Variants in TJP1 observed in about 807,000 individuals in gnomAD.
The protein encoded by TJP1 is tight junction protein ZO-1.
Under a neutral mutation model 194.2 loss-of-function variants are expected in TJP1, and 43 were observed. That is an observed-to-expected ratio of 0.22 (90% CI 0.17 to 0.29). The LOEUF (loss-of-function observed/expected upper bound fraction) is 0.29. Ranked by LOEUF, TJP1 falls within the 10% of genes least tolerant of loss-of-function variation. TJP1 has a pLI of 1.00. For missense variants in TJP1, 1,971 were observed against 2,185.7 expected (o/e 0.90, Z 1.96); for synonymous variants, 801 against 779.0 (o/e 1.03, Z -0.47).
At chr15:29,730,175 A>G (rs899848001) in intron 15 of TJP1, among the ~76,000 whole-genome samples, 4 of 152,232 alleles carry the variant, frequency 2.6e-5, no homozygotes, top group East Asian at 1.9e-4. Flanking sequence ...TATGCTTAAA[A>G]GAGTGGAAGA....
Position 29,934,045 on chromosome 15 carries a change from T to C in TJP1, c.306+22187A>G, listed in dbSNP as rs183278789. 1.6e-4 allele frequency among the ~76,000 whole-genome samples: 24 copies of C among 152,268 alleles called. No homozygotes were observed. The East Asian group carries it at 4.5e-3, about 28-fold the overall frequency. On this transcript the variant is annotated intron_variant, in intron 2 of 28. Coordinates refer to the TJP1 transcript ENST00000356107. ...TAAGAGACGAAAAAAAATCCCTCAT[T>C]ATGTCTTTGCTTCAACTCACCCATG...
At chr15:29,800,457 A>G in intron 2 of TJP1, 189 bp downstream of exon 2, 2 of 590,344 alleles carry the variant, frequency 3.4e-6, no homozygotes, top group Non-Finnish European at 5.9e-6. Flanking sequence ...TCAAAAGGAT[A>G]TATGAAAAAG....
chr15:29,720,029 T>C lies in TJP1; in HGVS notation c.2764-13A>G. The C allele has an allele frequency of 6.3e-7, 1 of 1,581,254 alleles. No individual in the cohort carries two copies. The highest frequency in any genetic ancestry group is 1.2e-5 in the South Asian group (1 of 84,310). On this transcript the variant is annotated splice_polypyrimidine_tract_variant and intron_variant, in intron 19 of 27. Transcript: ENST00000614355. ...AAGCTTCTGCTTTCTGTGAAGTGTTTAAAATATTTTAAATATAGTGTTTCT... is the reference window on the plus strand; with the variant it reads ...AAGCTTCTGCTTTCTGTGAAGTGTTCAAAATATTTTAAATATAGTGTTTCT...
rs568895333 is a variant in TJP1 at position 29,908,740 on chromosome 15, C to T, written c.306+47492G>A. On this transcript the variant is annotated intron_variant, in intron 2 of 28. Coordinates refer to the TJP1 transcript ENST00000356107. ...CCTGGCTTTTAAAAAGAGGCTCGGC[C>T]GGGCACAGCAGCTCATGCCTGTAAT... Among the ~76,000 whole-genome samples the T allele has an allele frequency of 1.3e-4, 20 of 152,206 alleles. No homozygotes were observed. The South Asian group carries it at 2.7e-3, about 21-fold the overall frequency.
At chr15:29,711,547 G>A (rs1043448031) in intron 23 of TJP1, among the ~76,000 whole-genome samples, 1 of 152,054 alleles carries the variant, frequency 6.6e-6, no homozygotes, top group Non-Finnish European at 1.5e-5. Flanking sequence ...TGTACTTTTA[G>A]TAGAGATGGC....
At chr15:29,779,950 C>CAAAA (rs1302689522) in intron 2 of TJP1, among the ~76,000 whole-genome samples, 8 of 147,730 alleles carry the variant, frequency 5.4e-5, no homozygotes, top group African/African-American at 2.5e-5. Flanking sequence ...CTAAAACAAA[C>CAAAA]AAACAAACAA....
chr15:29,777,793 C>CA (rs2047110928), intron 2 of TJP1, among the ~76,000 whole-genome samples: 1 of 152,170 alleles, frequency 6.6e-6, no homozygotes, highest in African/African-American at 2.4e-5. Flanking sequence ...ACAAAAGTAA[C>CA]AAACGCACAA....
chr15:29,844,725 A>T (rs760764569), intron 2 of TJP1, among the ~76,000 whole-genome samples: 1 of 152,222 alleles, frequency 6.6e-6, no homozygotes, highest in Non-Finnish European at 1.5e-5. Context: ...TATGTGAGTC[A>T]TGTATTACAT....
chr15:29,878,476 A>T (rs2052795524), intron 2 of TJP1, among the ~76,000 whole-genome samples: 1 of 152,198 alleles, frequency 6.6e-6, no homozygotes, highest in African/African-American at 2.4e-5. Flanking sequence ...CAGCTGATAT[A>T]TTCTCAAATA....
intron 2 of TJP1, among the ~76,000 whole-genome samples, chr15:29,885,660 G>A (rs1354992857): frequency 6.6e-6 from 1 of 152,212 alleles, no homozygotes; most frequent in African/African-American, 2.4e-5. Context: ...AAAGAAAACA[G>A]AGAACTGACC....
At chr15:29,917,560 A>G (rs1174096729) in intron 2 of TJP1, among the ~76,000 whole-genome samples, 1 of 152,194 alleles carries the variant, frequency 6.6e-6, no homozygotes, top group East Asian at 1.9e-4. Flanking sequence ...TACAGAGGGG[A>G]AGACCACACA....
Position 29,716,723 on chromosome 15 carries a change from G to C in TJP1, c.4090C>G (p.Arg1364Gly). ...GGAGGCTTATTCTCAAAACTTCTTC[G>C]GTCAAAGTATGACAGCTGTTTTCGA... Reference protein sequence around the residue: ...YYRKQLSYFDRRSFENKPPAH... With the variant: ...YYRKQLSYFDGRSFENKPPAH... Residue 1364 changes from arginine (R) to glycine (G), a missense_variant, in exon 23 of 28, where the codon CGA (arginine) becomes GGA (glycine). Arg to Gly is a moderately radical substitution (Grantham distance 125, BLOSUM62 -2). Coordinates refer to ENST00000614355, the MANE Select transcript of TJP1 (RefSeq NM_001330239.4). The C allele has an allele frequency of 6.2e-7, 1 of 1,613,962 alleles. No homozygotes were observed. Among genetic ancestry groups the C allele is most frequent in the African/African-American group, 1.3e-5 (1 of 74,960 alleles).
intron 8 of TJP1, among the ~76,000 whole-genome samples, chr15:29,753,996 C>T (rs2045480334): frequency 6.6e-6 from 1 of 152,054 alleles, no homozygotes; most frequent in African/African-American, 2.4e-5. Flanking sequence ...CACCAATGAT[C>T]AGTAAATAAA....
At chr15:29,722,942 C>G (rs981967998) in intron 18 of TJP1, among the ~76,000 whole-genome samples, 1 of 152,146 alleles carries the variant, frequency 6.6e-6, no homozygotes, top group African/African-American at 2.4e-5. Context: ...GGGATTGGAG[C>G]TCCTTTGTTT....
chr15:29,840,098 A>T (rs79082990), intron 2 of TJP1, among the ~76,000 whole-genome samples: 4,667 of 152,286 alleles, frequency 0.031, 81 homozygotes, highest in Middle Eastern at 0.078. Context: ...AGATTTTTTT[A>T]AACTATTGAG....
rs777762227 is a variant in TJP1, at chr15:29,720,428, T to C, written c.2693A>G (p.Tyr898Cys). The C allele has an allele frequency of 6.2e-7, 1 of 1,613,818 alleles. No homozygotes were observed. The highest frequency in any genetic ancestry group is 8.5e-7 in the Non-Finnish European group (1 of 1,179,906). The stretch of plus-strand genomic sequence containing the variant: ...TGGTTGTGGCTGCGCTTGTGGTGAG[T>C]AAGGAGGATATGTTTGGTTTTCATG... ...MHHENQTYPPYSPQAQPQPIH... is the reference protein window; with the variant it reads ...MHHENQTYPPCSPQAQPQPIH... The change falls in exon 19 of 28, where the codon TAC (tyrosine) becomes TGC (cysteine). Residue 898 changes from tyrosine to cysteine, a missense_variant. Physicochemically the swap from Tyr to Cys is radical, Grantham distance 194. Transcript: ENST00000614355.
chr15:29,862,489 C>G (rs1199961606), intron 2 of TJP1, among the ~76,000 whole-genome samples: 1 of 151,992 alleles, frequency 6.6e-6, no homozygotes, highest in East Asian at 1.9e-4. Context: ...TATACAAAAG[C>G]CTCTCAGCTG....
chr15:29,749,498 T>A (rs898378352), intron 8 of TJP1, among the ~76,000 whole-genome samples: 4 of 152,046 alleles, frequency 2.6e-5, no homozygotes, highest in Admixed American at 1.3e-4. Flanking sequence ...CAGTACAGGG[T>A]CCTGGGGAGA....
intron 1 of TJP1, among the ~76,000 whole-genome samples, chr15:29,963,329 C>G (rs1596334021): frequency 7.3e-6 from 1 of 136,558 alleles, no homozygotes; most frequent in South Asian, 2.5e-4. Context: ...TCTCACTGAT[C>G]AATTGTCTTT....
Sources: gnomAD v4.1 joint callset for allele counts (sites outside exome capture counted in the v4.1 genomes callset) on GRCh38, gnomAD v4.1.1 for gene constraint, MANE v1.5 for transcripts, NCBI Gene and HGNC (gene_info 2026-07-23, HGNC 2026-07-21) for gene names.